The following PDE4D variants were observed in gnomAD, a reference collection of about 807,000 sequenced individuals.
PDE4D encodes phosphodiesterase 4D.
Under a neutral mutation model 87.4 loss-of-function variants are expected in PDE4D, and 24 were observed. That is an observed-to-expected ratio of 0.27 (90% CI 0.20 to 0.39). The LOEUF is 0.39. Ranked by LOEUF, PDE4D falls within the 10% of genes least tolerant of loss-of-function variation. PDE4D has a pLI of 1.00. For synonymous variants in PDE4D, 384 were observed against 383.2 expected (o/e 1.00, Z -0.02); for missense variants, 714 against 1,041.0 (o/e 0.69, Z 4.32).
intron 1 of PDE4D, among the ~76,000 whole-genome samples, chr5:59,853,659 T>C (rs1745001767): frequency 6.6e-6 from 1 of 152,048 alleles, no homozygotes; most frequent in Non-Finnish European, 1.5e-5. Context: ...AAATGTATGC[T>C]CAATGTTAAA....
At chr5:60,237,476 A>C (rs998920362) in intron 1 of PDE4D, among the ~76,000 whole-genome samples, 2 of 152,064 alleles carry the variant, frequency 1.3e-5, no homozygotes, top group African/African-American at 4.8e-5. Flanking sequence ...GATCTCAAGG[A>C]TCAAAGACAT....
chr5:59,937,410 T>C (rs1561883858), intron 3 of PDE4D, among the ~76,000 whole-genome samples: 1 of 152,160 alleles, frequency 6.6e-6, no homozygotes, highest in Non-Finnish European at 1.5e-5. Context: ...TCAGCTTAGG[T>C]TGTCATAACA....
intron 1 of PDE4D, among the ~76,000 whole-genome samples, chr5:59,568,703 T>C (rs1355891692): frequency 6.6e-6 from 1 of 151,896 alleles, no homozygotes; most frequent in Non-Finnish European, 1.5e-5. Flanking sequence ...TGAGAGACAT[T>C]CTACAAAATA....
intron 3 of PDE4D, among the ~76,000 whole-genome samples, chr5:59,924,958 G>A (rs112885968): frequency 0.03 from 4,630 of 151,924 alleles, 222 homozygotes; most frequent in African/African-American, 0.11. Flanking sequence ...GGCAGATCAC[G>A]AGGTCAGGAG....
intron 1 of PDE4D, among the ~76,000 whole-genome samples, chr5:59,300,017 C>T (rs978503258): frequency 6.9e-6 from 1 of 144,000 alleles, no homozygotes; most frequent in Admixed American, 7.6e-5. Flanking sequence ...GAGGCTGAGG[C>T]AGGAGAATCG....
At chr5:60,333,715 G>A (rs980732147) in intron 1 of PDE4D, among the ~76,000 whole-genome samples, 1 of 152,182 alleles carries the variant, frequency 6.6e-6, no homozygotes, top group Non-Finnish European at 1.5e-5. Context: ...TGCATTATGT[G>A]TGAGCTGCAT....
At chr5:60,030,817 T>G (rs1054615407) in intron 2 of PDE4D, 26 of 152,268 alleles carry the variant, frequency 1.7e-4, no homozygotes, top group African/African-American at 6.0e-4. Context: ...AAATCTACAG[T>G]GGCCTATTAA....
chr5:59,605,019 C>T (rs539756850), intron 1 of PDE4D, among the ~76,000 whole-genome samples: 45 of 152,082 alleles, frequency 3.0e-4, no homozygotes, highest in African/African-American at 1.1e-3. Context: ...AAGTCTGTTT[C>T]TTTCTCTCTG....
chr5:60,407,828 A>G (rs953860894), intron 1 of PDE4D, among the ~76,000 whole-genome samples: 12 of 152,066 alleles, frequency 7.9e-5, no homozygotes, highest in African/African-American at 2.2e-4. Context: ...CATGGCTGCA[A>G]AATTCTTAGA....
rs376578792 is a variant in PDE4D at position 59,635,842 on chromosome 5, T to C, written c.455+257326A>G. Among the ~76,000 whole-genome samples, 13 of 152,296 alleles carry C rather than the reference T, an allele frequency of 8.5e-5. No homozygotes were observed. The East Asian group carries it at 1.3e-3, about 16-fold the overall frequency. On this transcript the variant is annotated intron_variant, in intron 1 of 14. Transcript: ENST00000340635. ...ACTGGCACAAGACAAGGATGCCCTC[T>C]TTCACCACTCCTGTTCAACACAGTA...
At chr5:59,968,991 A>AT (rs373120667) in intron 3 of PDE4D, among the ~76,000 whole-genome samples, 43 of 121,004 alleles carry the variant, frequency 3.6e-4, no homozygotes, top group South Asian at 1.1e-3. Context: ...AAGAAAAGGC[A>AT]CCCCCCCCCC....
intron 2 of PDE4D, among the ~76,000 whole-genome samples, chr5:60,121,290 A>G (rs1778655400): frequency 6.6e-6 from 1 of 152,116 alleles, no homozygotes; most frequent in African/African-American, 2.4e-5. Context: ...ATGCATTTTT[A>G]AAAGCCCAGA....
rs377610242 is a variant in PDE4D, at chr5:59,884,792, C to T, written c.455+8376G>A. On this transcript the variant is annotated intron_variant, in intron 1 of 14. Transcript: ENST00000340635. ...ACTGAAAATGTACATAAGAAAGTGG[C>T]TATGTCTGTATACCATCTCAAATTC... is the stretch of plus-strand genomic sequence containing the variant. Among the ~76,000 whole-genome samples, 9 of 152,082 alleles carry T rather than the reference C, an allele frequency of 5.9e-5. No individual in the cohort carries two copies. The South Asian group carries it at 1.5e-3, about 25-fold the overall frequency.
rs138042863 is a variant in PDE4D, at chr5:59,962,890, T to C, written c.272+25598A>G. Reference sequence around the variant, plus strand: ...TATTGGGCTTGTATTATATTAGTAATTGTTATTTTTGCTCTTAAAGGGAAT... The same window carrying C: ...TATTGGGCTTGTATTATATTAGTAACTGTTATTTTTGCTCTTAAAGGGAAT... On this transcript the variant is annotated intron_variant, in intron 3 of 16. Coordinates refer to the PDE4D transcript ENST00000502484. Among the ~76,000 whole-genome samples, 857 of 152,296 alleles carry C rather than the reference T, an allele frequency of 5.6e-3. 9 individuals carry two copies. Among genetic ancestry groups the C allele is most frequent in the African/African-American group, 0.019 (809 of 41,560 alleles).
chr5:59,152,064 C>A (rs1396980095), intron 5 of PDE4D, among the ~76,000 whole-genome samples: 2 of 152,164 alleles, frequency 1.3e-5, no homozygotes, highest in East Asian at 3.8e-4. Flanking sequence ...GGTGTGGAAT[C>A]TGAAATATAA....
intron 1 of PDE4D, among the ~76,000 whole-genome samples, chr5:59,549,083 C>G (rs1817715897): frequency 6.6e-6 from 1 of 152,092 alleles, no homozygotes; most frequent in Non-Finnish European, 1.5e-5. Flanking sequence ...TATGTCAACA[C>G]CAACATTAAA....
chr5:58,976,707 A>G (rs1743886989), intron 12 of PDE4D, among the ~76,000 whole-genome samples: 1 of 152,200 alleles, frequency 6.6e-6, no homozygotes, highest in Non-Finnish European at 1.5e-5. Flanking sequence ...AACCACTTTC[A>G]TGGTGAAAAA....
chr5:60,063,199 T>A (rs1290885291), intron 2 of PDE4D, among the ~76,000 whole-genome samples: 1 of 142,792 alleles, frequency 7.0e-6, no homozygotes, highest in East Asian at 2.4e-4. Context: ...AAAGAAAGAA[T>A]TTGGTAATTG....
intron 1 of PDE4D, among the ~76,000 whole-genome samples, chr5:60,198,490 C>T (rs183877083): frequency 9.2e-5 from 14 of 151,656 alleles, no homozygotes; most frequent in Admixed American, 5.3e-4. Flanking sequence ...AACTACTTAA[C>T]CCTTTTGCAT....
Sources: gnomAD v4.1 joint callset for allele counts (sites outside exome capture counted in the v4.1 genomes callset) on GRCh38, gnomAD v4.1.1 for gene constraint, MANE v1.5 for transcripts, NCBI Gene and HGNC (gene_info 2026-07-23, HGNC 2026-07-21) for gene names.